Variants in ORC5 observed in about 807,000 individuals in gnomAD.
The protein encoded by ORC5 is origin recognition complex subunit 5.
In ORC5, 39 loss-of-function variants were observed where a neutral mutation model predicts 58.8. The observed-to-expected ratio is 0.66, with a 90% CI of 0.51 to 0.87. The LOEUF is 0.87. ORC5 is among the 40% of genes least tolerant of loss of function. The pLI, the probability that ORC5 is intolerant of heterozygous loss-of-function variation, is 0.00. For synonymous variants in ORC5, 218 were observed against 177.6 expected (o/e 1.23, Z -1.81); for missense variants, 493 against 506.3 (o/e 0.97, Z 0.25).
chr7:104,126,980 T>C, intron 13 of ORC5, 87 bp from the exon 14 acceptor site: 1 of 871,868 alleles, frequency 1.1e-6, no homozygotes, highest in Non-Finnish European at 1.8e-6. Context: ...TGCAAAATAA[T>C]TCATGACTAA....
rs34769476 is a variant in ORC5, at chr7:104,179,109, A to AT, written c.824+4833dup. ...AAAAGAAGGTTAAAAAGAAAAGTGA[A>AT]TTTTTTTTTTTTTTTTTTTTTAAGA... On this transcript the variant is annotated intron_variant, in intron 8 of 13. Transcript: ENST00000297431. 9.9e-3 allele frequency among the ~76,000 whole-genome samples: 1,375 copies of AT among 138,438 alleles called. 19 individuals carry two copies. Among genetic ancestry groups the AT allele is most frequent in the Admixed American group, 0.019 (263 of 13,836 alleles). 90.8% of individuals were successfully genotyped at this position (138,438 alleles called of 152,430 possible).
At chr7:104,187,807 G>A in intron 6 of ORC5, 6 of 985,552 alleles carry the variant, frequency 6.1e-6, no homozygotes, top group African/African-American at 1.7e-5. Flanking sequence ...GAAAGCTTCT[G>A]ACCATACTCA....
chr7:104,155,554 C>T (rs1458508127), intron 12 of ORC5, among the ~76,000 whole-genome samples: 1 of 151,332 alleles, frequency 6.6e-6, no homozygotes, highest in African/African-American at 2.4e-5. Context: ...TAGTAAACTA[C>T]TTTCAAAAAT....
At chr7:104,180,211 C>A (rs1799405517) in intron 8 of ORC5, among the ~76,000 whole-genome samples, 2 of 152,180 alleles carry the variant, frequency 1.3e-5, no homozygotes, top group South Asian at 4.1e-4. Flanking sequence ...ACTGTTTTCA[C>A]TGGGTTCAAC....
chr7:104,204,083 T>C, intron 2 of ORC5, 59 bp downstream of exon 2: 1 of 834,184 alleles, frequency 1.2e-6, no homozygotes, highest in South Asian at 1.9e-5. Flanking sequence ...TTCACAATTA[T>C]CAGTACCAAT....
At chr7:104,158,907 G>A (rs994011967) in intron 12 of ORC5, among the ~76,000 whole-genome samples, 7 of 151,126 alleles carry the variant, frequency 4.6e-5, no homozygotes, top group African/African-American at 1.2e-4. Flanking sequence ...AACCAATGTG[G>A]AAGTCAGTGC....
chr7:104,192,335 TA>T (rs1239971467), intron 5 of ORC5, among the ~76,000 whole-genome samples: 1 of 152,064 alleles, frequency 6.6e-6, no homozygotes, highest in Non-Finnish European at 1.5e-5. Flanking sequence ...AAAAAACAAT[TA>T]TTGGAGAGCT....
chr7:104,197,603 A>C (rs1431823343), intron 4 of ORC5, 122 bp downstream of exon 4: 2 of 604,318 alleles, frequency 3.3e-6, no homozygotes, highest in Non-Finnish European at 2.9e-6. Context: ...TGATAAAAGA[A>C]ATGCAAACTA....
chr7:104,182,913 T>TG (rs1373319587), intron 8 of ORC5, among the ~76,000 whole-genome samples: 1 of 152,140 alleles, frequency 6.6e-6, no homozygotes, highest in Non-Finnish European at 1.5e-5. Flanking sequence ...GGCAGGTGGA[T>TG]CACCTGAGGT....
intron 12 of ORC5, among the ~76,000 whole-genome samples, chr7:104,151,077 G>A (rs546583840): frequency 2.6e-5 from 4 of 152,156 alleles, no homozygotes; most frequent in Admixed American, 6.5e-5. Context: ...TTTTCAGAGA[G>A]GAAACAGCTT....
intron 2 of ORC5, among the ~76,000 whole-genome samples, chr7:104,201,448 A>G (rs1328221451): frequency 6.6e-6 from 1 of 152,022 alleles, no homozygotes; most frequent in Admixed American, 6.6e-5. Context: ...AACTCACTTC[A>G]ATTATTTCTT....
chr7:104,207,466 G>A (rs1184115015), intron 1 of ORC5, among the ~76,000 whole-genome samples: 1 of 152,194 alleles, frequency 6.6e-6, no homozygotes, highest in Non-Finnish European at 1.5e-5. Context: ...ACAGAAACGT[G>A]TGAACTTACA....
chr7:104,170,030 G>A (rs975459412), intron 8 of ORC5, among the ~76,000 whole-genome samples: 1 of 152,108 alleles, frequency 6.6e-6, no homozygotes, highest in Non-Finnish European at 1.5e-5. Context: ...GTTCTTCCAT[G>A]TTTAATATTG....
intron 9 of ORC5, chr7:104,167,989 G>C (rs1799136556): frequency 1.3e-5 from 2 of 153,108 alleles, no homozygotes; most frequent in African/African-American, 4.8e-5. Flanking sequence ...TTCAATATTT[G>C]CTCATTTTTT....
intron 9 of ORC5, among the ~76,000 whole-genome samples, chr7:104,167,503 A>G (rs1799127605): frequency 6.6e-6 from 1 of 152,206 alleles, no homozygotes. Context: ...TTAGTAAACA[A>G]TACTATTTGT....
intron 1 of ORC5, among the ~76,000 whole-genome samples, chr7:104,204,444 T>C (rs1407783225): frequency 6.6e-6 from 1 of 152,250 alleles, no homozygotes; most frequent in Non-Finnish European, 1.5e-5. Context: ...GTATGTAACA[T>C]ATTTGGCATA....
chr7:104,164,452 T>C (rs1308256396), intron 11 of ORC5, among the ~76,000 whole-genome samples: 1 of 152,136 alleles, frequency 6.6e-6, no homozygotes, highest in African/African-American at 2.4e-5. Flanking sequence ...TTCTAAACGT[T>C]AACCATTTGT....
intron 13 of ORC5, among the ~76,000 whole-genome samples, chr7:104,127,975 C>A (rs1355040470): frequency 6.6e-6 from 1 of 152,118 alleles, no homozygotes; most frequent in Admixed American, 6.5e-5. Context: ...CAAAACAATA[C>A]TGCAGAACTA....
At position 104,133,033 on chromosome 7, in the gene ORC5, G is replaced by A. The variant is rs370941093; in HGVS notation, c.1262+3748C>T. On this transcript the variant is annotated intron_variant, in intron 13 of 13. Transcript: ENST00000297431. This position sits in a 1 kb window ranked among gnomAD's most constrained non-coding sequence, Gnocchi z 4.7. ...AAAAAGTGGTTAAAGTGCAGATACC[G>A]AGGAAAGAAGGTGTATGTGCTAGAT... Among the ~76,000 whole-genome samples the A allele has an allele frequency of 2.6e-4, 40 of 152,256 alleles. 1 individual carries two copies. The highest frequency in any genetic ancestry group is 8.2e-4 in the African/African-American group (34 of 41,530).
Sources: gnomAD v4.1 joint callset for allele counts (sites outside exome capture counted in the v4.1 genomes callset) on GRCh38, gnomAD v4.1.1 for gene constraint, Gnocchi (gnomAD v3.1) non-coding constraint, MANE v1.5 for transcripts, NCBI Gene and HGNC (gene_info 2026-07-23, HGNC 2026-07-21) for gene names.